AMH: variants seen among roughly 807,000 people sequenced by gnomAD.
The protein encoded by AMH is anti-Muellerian hormone.
Under a neutral mutation model 33.3 loss-of-function variants are expected in AMH, and 39 were observed. The ratio of observed to expected loss-of-function variants is 1.17; its 90% CI spans 0.91 to 1.53. AMH has a LOEUF of 1.53. AMH is among the 40% of genes most tolerant of loss of function. The pLI is 0.00. For missense variants in AMH, 1,019 were observed against 799.8 expected (o/e 1.27, Z -3.30); for synonymous variants, 536 against 403.0 (o/e 1.33, Z -3.95).
In AMH at chr19:2,251,387, G is replaced by C. The variant is rs923936580; in HGVS notation, c.1113G>C (p.Trp371Cys). 4 of 1,466,336 alleles carry C rather than the reference G, an allele frequency of 2.7e-6. No homozygotes were observed. The highest frequency in any genetic ancestry group is 3.6e-6 in the Non-Finnish European group (4 of 1,116,306). The allele number at this position is 1,466,336 out of a possible 1,614,324, so 90.8% of individuals were successfully genotyped here. A position where few individuals can be genotyped will look rare whatever the true frequency, so the allele number is the denominator to read the frequency against. ...APLHDPTSAP[W>C]ATALARRVAA... is the part of the protein sequence containing the mutation. Reference sequence around the variant, plus strand: ...TGCACGACCCCACGTCGGCGCCGTGGGCCACGGCCCTGGCGCGCCGCGTGG... The same window carrying C: ...TGCACGACCCCACGTCGGCGCCGTGCGCCACGGCCCTGGCGCGCCGCGTGG... Residue 371 changes from tryptophan (W) to cysteine (C), a missense_variant, in exon 5 of 5, where the codon TGG (tryptophan) becomes TGC (cysteine). Coordinates refer to ENST00000221496, the MANE Select transcript of AMH (RefSeq NM_000479.5).
rs2025006943 is a variant in AMH at position 2,250,315 on chromosome 19, TC to T, written c.413-18del. On this transcript the variant is annotated intron_variant, in intron 1 of 4. Transcript: ENST00000221496. ...GGTGTGGCCTTCAATGGCTCAGGCG[TC>T]CCCTGCTGTCCCGGCTGCAGTGACC... 1.9e-6 allele frequency: 3 copies of T among 1,585,714 alleles called. No homozygotes were observed. In the South Asian group the frequency reaches 3.4e-5, roughly 18 times the overall value.
Position 2,251,928 on chromosome 19 carries a change from A to T in AMH, c.1654A>T (p.Met552Leu), listed in dbSNP as rs1568395296. 6.4e-7 allele frequency: 1 copy of T among 1,554,366 alleles called. No individual in the cohort carries two copies. The highest frequency in any genetic ancestry group is 1.2e-5 in the South Asian group (1 of 86,176). ...CATCAGCGCGCACCACGTGCCCAAC[A>T]TGGTGGCCACCGAGTGTGGCTGCCG... ...ERISAHHVPN[M>L]VATECGCR Residue 552 changes from methionine to leucine, a missense_variant, in exon 5 of 5, where the codon ATG becomes TTG. Coordinates refer to ENST00000221496, the MANE Select transcript of AMH (RefSeq NM_000479.5).
In AMH at chr19:2,250,667, C is replaced by A; in HGVS notation, c.571C>A (p.Arg191=). The A allele has an allele frequency of 6.5e-7, 1 of 1,539,448 alleles. No homozygotes were observed. ...GTCTCCGCAGAGCCTCTGCCCCTCCCGAGACACCCGCTACCTGGTGTTAGC... is the reference window on the plus strand; with the variant it reads ...GTCTCCGCAGAGCCTCTGCCCCTCCAGAGACACCCGCTACCTGGTGTTAGC... ...LPGAQSLCPS[R]DTRYLVLAVD... Residue 191 remains arginine, a synonymous_variant, in exon 3 of 5, where the codon CGA becomes AGA. Coordinates refer to ENST00000221496, the MANE Select transcript of AMH (RefSeq NM_000479.5).
intron 1 of AMH, chr19:2,250,014 G>C (rs757562128): frequency 3.3e-6 from 2 of 606,846 alleles, no homozygotes; most frequent in Non-Finnish European, 5.8e-6. Context: ...CGCAGGGCTC[G>C]GGGCCAGTGG....
chr19:2,249,869 A>C (rs2024998480), intron 1 of AMH, 125 bp downstream of exon 1: 1 of 1,190,344 alleles, frequency 8.4e-7, no homozygotes, highest in African/African-American at 1.5e-5. Context: ...TCTTGTTCCT[A>C]GGACTGGGTT....
At position 2,251,190 on chromosome 19, in the gene AMH, G is replaced by A. The variant is rs1231700823; in HGVS notation, c.916G>A (p.Ala306Thr). ...RLVRALRVPP[A>T]RASAPRLALD... ...GGTGCGGGCGCTGCGGGTCCCCCCGGCCCGGGCCTCCGCGCCGCGCCTGGC... is the reference window on the plus strand; with the variant it reads ...GGTGCGGGCGCTGCGGGTCCCCCCGACCCGGGCCTCCGCGCCGCGCCTGGC... Residue 306 changes from alanine (A) to threonine (T), a missense_variant, in exon 5 of 5, where the codon GCC (alanine) becomes ACC (threonine). By Grantham distance (58) the Ala-to-Thr change is moderately conservative. Coordinates refer to ENST00000221496, the MANE Select transcript of AMH (RefSeq NM_000479.5). The A allele has an allele frequency of 2.7e-6, 4 of 1,508,070 alleles. No homozygotes were observed. In the East Asian group the frequency reaches 7.9e-5, roughly 30 times the overall value. The allele number at this position is 1,508,070 out of a possible 1,614,324, so 93.4% of individuals were successfully genotyped here. A position where few individuals can be genotyped will look rare whatever the true frequency, so the allele number is the denominator to read the frequency against.
chr19:2,249,909 A>AC, intron 1 of AMH, 165 bp downstream of exon 1: 1 of 813,340 alleles, frequency 1.2e-6, no homozygotes, highest in Non-Finnish European at 1.9e-6. Context: ...GGTGGGCACC[A>AC]CACTCTGTCC....
rs1288723163 is a variant in AMH at position 2,249,589 on chromosome 19, C to T, written c.257C>T (p.Ala86Val). The T allele has an allele frequency of 7.7e-6, 12 of 1,563,428 alleles. No homozygotes were observed. The highest frequency in any genetic ancestry group is 1.7e-4 in the Middle Eastern group (1 of 5,956). ...GCCTATGAGCAGGCCTTCCTGGGGG[C>T]CGTGCAGAGGGCCCGCTGGGGCCCC... ...LSAYEQAFLG[A>V]VQRARWGPRD... Residue 86 changes from alanine (A) to valine (V), a missense_variant, in exon 1 of 5, where the codon GCC becomes GTC. Physicochemically the swap from Ala to Val is moderately conservative, Grantham distance 64. Coordinates refer to ENST00000221496, the MANE Select transcript of AMH (RefSeq NM_000479.5).
At position 2,251,114 on chromosome 19, in the gene AMH, C is replaced by G. The variant is rs1463603668; in HGVS notation, c.840C>G (p.Leu280=). 5 of 1,542,398 alleles carry G rather than the reference C, an allele frequency of 3.2e-6. No homozygotes were observed. The highest frequency in any genetic ancestry group is 2.8e-5 in the African/African-American group (2 of 72,428). ...PFPPPRPSAE[L]EESPPSADPF... Reference sequence around the variant, plus strand: ...CGGGTTCCAGGCCATCCGCGGAACTCGAGGAGTCGCCACCCAGCGCAGACC... The same window carrying G: ...CGGGTTCCAGGCCATCCGCGGAACTGGAGGAGTCGCCACCCAGCGCAGACC... Residue 280 remains leucine (L), a synonymous_variant, in exon 5 of 5, where the codon CTC becomes CTG. Coordinates refer to ENST00000221496, the MANE Select transcript of AMH (RefSeq NM_000479.5).
At position 2,251,303 on chromosome 19, in the gene AMH, G is replaced by T; in HGVS notation, c.1029G>T (p.Glu343Asp). The change falls in exon 5 of 5, where the codon GAG becomes GAT. Residue 343 changes from glutamate (E) to aspartate (D), a missense_variant. Glu to Asp is a conservative substitution (Grantham distance 45, BLOSUM62 2). Coordinates refer to ENST00000221496, the MANE Select transcript of AMH (RefSeq NM_000479.5). ...CGCTGGAGCGCCTACTCGACGGCGA[G>T]GAGCCGCTGCTGCTGCTGCTGAGGC... ...PAALERLLDG[E>D]EPLLLLLRPT... is the part of the protein sequence containing the mutation. 3 of 1,503,100 alleles carry T rather than the reference G, an allele frequency of 2.0e-6. No individual in the cohort carries two copies. The East Asian group carries it at 8.1e-5, about 41-fold the overall frequency. 93.1% of individuals were successfully genotyped at this position (1,503,100 alleles called of 1,614,324 possible).
chr19:2,250,944 C>T lies in AMH; in HGVS notation c.760C>T (p.Arg254Trp). 1.3e-6 allele frequency: 2 copies of T among 1,538,582 alleles called. No individual in the cohort carries two copies. The highest frequency in any genetic ancestry group is 1.7e-6 in the Non-Finnish European group (2 of 1,150,658). ...GACCCCGGCCCTGCTCCTGCTGCCG[C>T]GGTCCGAGCCCGCGCCGCTGCCTGC... is the stretch of plus-strand genomic sequence containing the variant. ...RMTPALLLLP[R>W]SEPAPLPAHG... Residue 254 changes from arginine (R) to tryptophan (W), a missense_variant, in exon 4 of 5, where the codon CGG (arginine) becomes TGG (tryptophan). Arg to Trp is a moderately radical substitution (Grantham distance 101). Coordinates refer to ENST00000221496, the MANE Select transcript of AMH (RefSeq NM_000479.5).
chr19:2,251,100 C>T lies in AMH; in HGVS notation c.826C>T (p.Pro276Ser). ...AACTCCTCCAATTGCGGGTTCCAGG[C>T]CATCCGCGGAACTCGAGGAGTCGCC... ...LDTVPFPPPR[P>S]SAELEESPPS... The change falls in exon 5 of 5, where the codon CCA becomes TCA. Residue 276 changes from proline to serine, a missense_variant and splice_region_variant. Pro to Ser is a moderately conservative substitution (Grantham distance 74). Coordinates refer to ENST00000221496, the MANE Select transcript of AMH (RefSeq NM_000479.5). The T allele has an allele frequency of 1.9e-6, 3 of 1,542,326 alleles. No homozygotes were observed. The highest frequency in any genetic ancestry group is 2.6e-6 in the Non-Finnish European group (3 of 1,151,440).
In AMH at chr19:2,251,440, A is replaced by C. The variant is rs1455391263; in HGVS notation, c.1166A>C (p.Glu389Ala). The change falls in exon 5 of 5, where the codon GAG becomes GCG. Residue 389 changes from glutamate (E) to alanine (A), a missense_variant. Physicochemically the swap from Glu to Ala is moderately radical, Grantham distance 107. Coordinates refer to ENST00000221496, the MANE Select transcript of AMH (RefSeq NM_000479.5). ...GCTGAACTGCAAGCGGCGGCTGCCG[A>C]GCTGCGAAGCCTCCCGGGTCTGCCT... Reference protein sequence around the residue: ...VAAELQAAAAELRSLPGLPPA... With the variant: ...VAAELQAAAAALRSLPGLPPA... The C allele has an allele frequency of 3.3e-5, 48 of 1,438,104 alleles. No individual in the cohort carries two copies. The highest frequency in any genetic ancestry group is 9.2e-5 in the East Asian group (3 of 32,592). 89.1% of individuals were successfully genotyped at this position (1,438,104 alleles called of 1,614,324 possible). A position where few individuals can be genotyped will look rare whatever the true frequency, so the allele number is the denominator to read the frequency against.
Position 2,251,755 on chromosome 19 carries a change from G to A in AMH, c.1481G>A (p.Trp494Ter), listed in dbSNP as rs746546310. 10 of 1,611,582 alleles carry A rather than the reference G, an allele frequency of 6.2e-6. No individual in the cohort carries two copies. ...AACAATTGCCAGGGCGTGTGCGGCT[G>A]GCCTCAGTCCGACCGCAACCCGCGC... is the stretch of plus-strand genomic sequence containing the variant. ...QANNCQGVCG[W>*]PQSDRNPRYG... Residue 494 changes from tryptophan to a stop codon, truncating the protein, a stop_gained, in exon 5 of 5, where the codon TGG becomes TAG. Coordinates refer to ENST00000221496, the MANE Select transcript of AMH (RefSeq NM_000479.5). LOFTEE classifies it high-confidence loss of function.
At position 2,249,543 on chromosome 19, in the gene AMH, C is replaced by G; in HGVS notation, c.211C>G (p.Arg71Gly). 6.3e-7 allele frequency: 1 copy of G among 1,594,312 alleles called. No homozygotes were observed. ...GDSNGSSSPLRVVGALSAYEQ... is the reference protein window; with the variant it reads ...GDSNGSSSPLGVVGALSAYEQ... ...CAGCAATGGCAGCAGCTCCCCCCTG[C>G]GGGTGGTGGGGGCTCTAAGCGCCTA... Residue 71 changes from arginine (R) to glycine (G), a missense_variant, in exon 1 of 5, where the codon CGG becomes GGG. Transcript: ENST00000221496.
At position 2,251,152 on chromosome 19, in the gene AMH, C is replaced by T. The variant is rs1334490311; in HGVS notation, c.878C>T (p.Thr293Met). 1.3e-6 allele frequency: 2 copies of T among 1,526,902 alleles called. No individual in the cohort carries two copies. Among genetic ancestry groups the T allele is most frequent in the African/African-American group, 1.4e-5 (1 of 71,078 alleles). The allele number at this position is 1,526,902 out of a possible 1,614,324, so 94.6% of individuals were successfully genotyped here. A position where few individuals can be genotyped will look rare whatever the true frequency, so the allele number is the denominator to read the frequency against. The part of the protein sequence containing the change: ...SPPSADPFLE[T>M]LTRLVRALRV... ...CCCAGCGCAGACCCCTTCCTGGAGACGCTCACGCGCCTGGTGCGGGCGCTG... is the reference window on the plus strand; with the variant it reads ...CCCAGCGCAGACCCCTTCCTGGAGATGCTCACGCGCCTGGTGCGGGCGCTG... Residue 293 changes from threonine to methionine, a missense_variant, in exon 5 of 5, where the codon ACG becomes ATG. Thr to Met is a moderately conservative substitution (Grantham distance 81, BLOSUM62 -1). Coordinates refer to ENST00000221496, the MANE Select transcript of AMH (RefSeq NM_000479.5).
rs2025017742 is a variant in AMH, at chr19:2,250,632, C to T, written c.556-20C>T. 1 of 1,538,128 alleles carries T rather than the reference C, an allele frequency of 6.5e-7. No individual in the cohort carries two copies. The highest frequency in any genetic ancestry group is 8.7e-7 in the Non-Finnish European group (1 of 1,146,494). Reference sequence around the variant, plus strand: ...CTGGGTAAGCCTCCATCCAGCCGGGCTGAGCCCTGGTCTCCGCAGAGCCTC... The same window carrying T: ...CTGGGTAAGCCTCCATCCAGCCGGGTTGAGCCCTGGTCTCCGCAGAGCCTC... On this transcript the variant is annotated intron_variant, in intron 2 of 4. Coordinates refer to ENST00000221496, the MANE Select transcript of AMH (RefSeq NM_000479.5).
Position 2,249,742 on chromosome 19 carries a change from A to G in AMH, c.410A>G (p.Glu137Gly). The G allele has an allele frequency of 6.7e-7, 1 of 1,502,518 alleles. No individual in the cohort carries two copies. 93.1% of individuals were successfully genotyped at this position (1,502,518 alleles called of 1,614,324 possible). Residue 137 changes from glutamate (E) to glycine (G), a missense_variant and splice_region_variant, in exon 1 of 5, where the codon GAA becomes GGA. By Grantham distance (98) the Glu-to-Gly change is moderately conservative. Transcript: ENST00000221496. Reference sequence around the variant, plus strand: ...CGCCTGGTGGTCCTACACCTGGAGGAAGGTATGTGGGGCCCAGCCCCAAGC... The same window carrying G: ...CGCCTGGTGGTCCTACACCTGGAGGGAGGTATGTGGGGCCCAGCCCCAAGC... ...GQRLVVLHLE[E>G]VTWEPTPSLR... is the part of the protein sequence containing the mutation.
chr19:2,252,042 A>C lies in AMH; in HGVS notation c.*85A>C. The stretch of plus-strand genomic sequence containing the variant: ...TCCCATATTTATTCGGACCCCAAGC[A>C]TCGCCCCAATAAAGACCAGCAAGCA... On this transcript the variant is annotated 3_prime_UTR_variant, in exon 5 of 5. Transcript: ENST00000221496. 1 of 1,511,022 alleles carries C rather than the reference A, an allele frequency of 6.6e-7. No individual in the cohort carries two copies. The highest frequency in any genetic ancestry group is 8.9e-7 in the Non-Finnish European group (1 of 1,129,678). 93.6% of individuals were successfully genotyped at this position (1,511,022 alleles called of 1,614,324 possible). A position where few individuals can be genotyped will look rare whatever the true frequency, so the allele number is the denominator to read the frequency against.
Sources: gnomAD v4.1 joint callset for allele counts on GRCh38, gnomAD v4.1.1 for gene constraint, MANE v1.5 for transcripts, NCBI Gene and HGNC (gene_info 2026-07-23, HGNC 2026-07-21) for gene names.